Variants in STPG2 observed in about 807,000 individuals in gnomAD.
The protein encoded by STPG2 is sperm-tail PG-rich repeat-containing protein 2.
Under a neutral mutation model 54.2 loss-of-function variants are expected in STPG2, and 56 were observed. That is an observed-to-expected ratio of 1.03 (90% CI 0.83 to 1.29). STPG2 has a LOEUF of 1.29. Among genes scored for constraint, STPG2 ranks in the 50% most tolerant of loss-of-function variants. The pLI is 0.00. For synonymous variants in STPG2, 200 were observed against 181.8 expected (o/e 1.10, Z -0.81); for missense variants, 596 against 544.9 (o/e 1.09, Z -0.93).
chr4:97,922,345 C>T (rs1002217755), intron 8 of STPG2, among the ~76,000 whole-genome samples: 2 of 151,886 alleles, frequency 1.3e-5, no homozygotes, highest in Non-Finnish European at 2.9e-5. Flanking sequence ...TAACAGTTAA[C>T]AACAACCATA....
At chr4:97,574,626 A>G (rs1001246255) in intron 10 of STPG2, among the ~76,000 whole-genome samples, 1 of 151,998 alleles carries the variant, frequency 6.6e-6, no homozygotes, top group Non-Finnish European at 1.5e-5. Context: ...ATTACATCAG[A>G]GAGTAACCGT....
At chr4:97,500,340 T>C (rs1234787259) in intron 4 of STPG2, among the ~76,000 whole-genome samples, 2 of 151,974 alleles carry the variant, frequency 1.3e-5, no homozygotes, top group Admixed American at 1.3e-4. Flanking sequence ...AGCCATTAAT[T>C]GAGATGGGGA....
chr4:97,694,812 C>CAAAAAA lies in STPG2; in HGVS notation c.1320+17881_1320+17886dup, dbSNP rs70953083. On this transcript the variant is annotated intron_variant, in intron 10 of 10. Coordinates refer to ENST00000295268, the MANE Select transcript of STPG2 (RefSeq NM_174952.3). The stretch of plus-strand genomic sequence containing the variant: ...TGGGTTACAGAGCAAGACTCTGTCA[C>CAAAAAA]AAAAAAAAAAAAAAAAAAAAAAAAA... 3.1e-3 allele frequency among the ~76,000 whole-genome samples: 137 copies of CAAAAAA among 44,042 alleles called. 11 individuals carry two copies. Among genetic ancestry groups the CAAAAAA allele is most frequent in the Non-Finnish European group, 4.8e-3 (112 of 23,454 alleles). The allele number at this position is 44,042 out of a possible 152,430, so 28.9% of individuals were successfully genotyped here.
intron 9 of STPG2, among the ~76,000 whole-genome samples, chr4:97,759,397 T>C (rs1286069951): frequency 6.6e-6 from 1 of 152,138 alleles, no homozygotes; most frequent in Non-Finnish European, 1.5e-5. Flanking sequence ...TAAGGTACTT[T>C]GAGAGAACTG....
chr4:97,613,578 G>A (rs1276585196), intron 10 of STPG2, among the ~76,000 whole-genome samples: 1 of 151,248 alleles, frequency 6.6e-6, no homozygotes, highest in African/African-American at 2.4e-5. Context: ...TCCATCTCCT[G>A]GAGGTGGAAG....
At chr4:97,456,400 C>T (rs2148803276) in intron 4 of STPG2, among the ~76,000 whole-genome samples, 1 of 152,208 alleles carries the variant, frequency 6.6e-6, no homozygotes, top group Non-Finnish European at 1.5e-5. Context: ...AATTCACTCA[C>T]TATCATGAGA....
At chr4:98,124,687 G>A (rs971909708) in intron 3 of STPG2, among the ~76,000 whole-genome samples, 1 of 151,946 alleles carries the variant, frequency 6.6e-6, no homozygotes, top group African/African-American at 2.4e-5. Flanking sequence ...ATCTTACTGG[G>A]GTTCTCTGGA....
At chr4:97,957,995 A>C (rs1024831419) in intron 7 of STPG2, among the ~76,000 whole-genome samples, 1 of 152,078 alleles carries the variant, frequency 6.6e-6, no homozygotes, top group Non-Finnish European at 1.5e-5. Flanking sequence ...AGGACCTACA[A>C]AACAAAAATA....
At chr4:97,806,586 C>T (rs1727574705) in intron 9 of STPG2, among the ~76,000 whole-genome samples, 1 of 151,980 alleles carries the variant, frequency 6.6e-6, no homozygotes, top group Non-Finnish European at 1.5e-5. Flanking sequence ...CACAATCATG[C>T]CATCCTCTGC....
At chr4:98,018,366 C>T (rs1578784980) in intron 5 of STPG2, among the ~76,000 whole-genome samples, 1 of 152,154 alleles carries the variant, frequency 6.6e-6, no homozygotes, top group South Asian at 2.1e-4. Flanking sequence ...TTTATGGCTG[C>T]ATAGTATTCC....
chr4:97,625,713 T>C (rs929807376), intron 10 of STPG2, among the ~76,000 whole-genome samples: 5 of 152,332 alleles, frequency 3.3e-5, no homozygotes, highest in South Asian at 4.1e-4. Flanking sequence ...CAGTGAAATA[T>C]GAATGACACA....
intron 8 of STPG2, among the ~76,000 whole-genome samples, chr4:97,918,146 A>G (rs62320963): frequency 0.25 from 37,156 of 151,504 alleles, 5,311 homozygotes; most frequent in Middle Eastern, 0.36. Context: ...TATTCATAAA[A>G]GACTTATTAG....
intron 4 of STPG2, among the ~76,000 whole-genome samples, chr4:97,543,017 T>C (rs1731754439): frequency 6.6e-6 from 1 of 151,990 alleles, no homozygotes; most frequent in African/African-American, 2.4e-5. Flanking sequence ...GAGATATACC[T>C]AATGTAAATG....
chr4:97,742,364 T>C (rs1257832965), intron 9 of STPG2, among the ~76,000 whole-genome samples: 1 of 150,760 alleles, frequency 6.6e-6, no homozygotes, highest in African/African-American at 2.4e-5. Context: ...TAAAGTATAA[T>C]AATAATAAAA....
At chr4:97,929,244 T>C (rs543843425) in intron 8 of STPG2, among the ~76,000 whole-genome samples, 3 of 152,374 alleles carry the variant, frequency 2.0e-5, no homozygotes, top group East Asian at 3.9e-4. Context: ...CTATGGTGTA[T>C]ATGTACTACA....
chr4:97,690,245 CTT>C (rs2148987689), intron 10 of STPG2, among the ~76,000 whole-genome samples: 1 of 152,104 alleles, frequency 6.6e-6, no homozygotes, highest in African/African-American at 2.4e-5. Flanking sequence ...CTCAAAATGA[CTT>C]ATATATTTCA....
intron 8 of STPG2, among the ~76,000 whole-genome samples, chr4:97,862,070 C>A (rs1384941398): frequency 6.6e-6 from 1 of 151,986 alleles, no homozygotes; most frequent in Non-Finnish European, 1.5e-5. Context: ...TCACACATAA[C>A]AATATTAACC....
At chr4:97,926,440 T>A (rs1052515571) in intron 8 of STPG2, among the ~76,000 whole-genome samples, 3 of 152,152 alleles carry the variant, frequency 2.0e-5, no homozygotes, top group Admixed American at 6.5e-5. Flanking sequence ...GTACTTTTCC[T>A]ATTCTCTTTC....
chr4:97,874,779 G>C (rs1479838162), intron 8 of STPG2, among the ~76,000 whole-genome samples: 2 of 151,482 alleles, frequency 1.3e-5, no homozygotes, highest in African/African-American at 4.8e-5. Flanking sequence ...TTTCGAAATG[G>C]GGCCTTTAAA....
Sources: gnomAD v4.1 joint callset for allele counts (sites outside exome capture counted in the v4.1 genomes callset) on GRCh38, gnomAD v4.1.1 for gene constraint, MANE v1.5 for transcripts, NCBI Gene and HGNC (gene_info 2026-07-23, HGNC 2026-07-21) for gene names.